Variants in DIAPH2 observed in about 807,000 individuals in gnomAD.
DIAPH2 encodes diaphanous related formin 2.
DIAPH2 carries 35 observed loss-of-function variants against 92.7 expected under a neutral mutation model. The observed-to-expected ratio is 0.38, with a 90% CI of 0.29 to 0.50. The LOEUF (loss-of-function observed/expected upper bound fraction) is 0.50, where lower values mean the gene tolerates loss of function less well. Among genes scored for constraint, DIAPH2 ranks in the 20% least tolerant of loss-of-function variants. The pLI is 0.94. For missense variants in DIAPH2, 701 were observed against 819.5 expected (o/e 0.86, Z 1.77); for synonymous variants, 301 against 280.4 (o/e 1.07, Z -0.73).
At chrX:97,409,709 A>G (rs757369274) in intron 25 of DIAPH2, among the ~76,000 whole-genome samples, 1 of 112,200 alleles carries the variant, frequency 8.9e-6, no homozygotes, top group Admixed American at 9.4e-5. Flanking sequence ...ATGGCACACC[A>G]GGAGATTATA....
At chrX:97,340,930 C>T (rs944653282) in intron 23 of DIAPH2, 1 of 109,139 alleles carries the variant, frequency 9.2e-6, no homozygotes, top group Non-Finnish European at 1.9e-5. Context: ...TGGGATTTCA[C>T]GCGTGAGCCA....
chrX:97,508,792 A>G (rs953442634), intron 26 of DIAPH2, among the ~76,000 whole-genome samples: 4 of 111,656 alleles, frequency 3.6e-5, no homozygotes, highest in Non-Finnish European at 7.5e-5. Context: ...ATGAAAAAGC[A>G]ACATTTGTTA....
intron 5 of DIAPH2, among the ~76,000 whole-genome samples, chrX:96,887,979 G>C (rs2065275236): frequency 9.0e-6 from 1 of 110,607 alleles, no homozygotes; most frequent in African/African-American, 3.3e-5. Context: ...ATGTGTGTGT[G>C]TGTATGTGTG....
chrX:97,204,203 C>T (rs1360140400), intron 22 of DIAPH2, among the ~76,000 whole-genome samples: 1 of 111,760 alleles, frequency 8.9e-6, no homozygotes, highest in African/African-American at 3.3e-5. Flanking sequence ...ATGACAAACC[C>T]ATAGCCAATA....
At chrX:96,955,401 A>G (rs2065804356) in intron 15 of DIAPH2, among the ~76,000 whole-genome samples, 1 of 111,903 alleles carries the variant, frequency 8.9e-6, no homozygotes, top group Admixed American at 9.5e-5. Flanking sequence ...ATGGCGATGC[A>G]GAGCTAAACC....
intron 22 of DIAPH2, among the ~76,000 whole-genome samples, chrX:97,211,952 A>G (rs1483102193): frequency 8.9e-6 from 1 of 111,766 alleles, no homozygotes; most frequent in Non-Finnish European, 1.9e-5. Flanking sequence ...AGAAACGACT[A>G]AGAAAATCAC....
Position 96,735,742 on chromosome X carries a change from T to A in DIAPH2, c.133-16T>A. On this transcript the variant is annotated splice_polypyrimidine_tract_variant and intron_variant, in intron 1 of 26. Coordinates refer to ENST00000324765, the MANE Select transcript of DIAPH2 (RefSeq NM_006729.5). ...CTGATGGGTTTTTTTTGTTTGTTTCTTTTTGGTTTTAATAGAACATTCAAA... is the reference window on the plus strand; with the variant it reads ...CTGATGGGTTTTTTTTGTTTGTTTCATTTTGGTTTTAATAGAACATTCAAA... 2 of 1,038,291 alleles carry A rather than the reference T, an allele frequency of 1.9e-6. No individual in the cohort carries two copies. Among genetic ancestry groups the A allele is most frequent in the East Asian group, 6.3e-5 (2 of 31,758 alleles). The allele number at this position is 1,038,291 out of a possible 1,213,427, so 85.6% of individuals were successfully genotyped here. A position where few individuals can be genotyped will look rare whatever the true frequency, so the allele number is the denominator to read the frequency against.
chrX:97,104,547 T>C (rs1214721753), intron 20 of DIAPH2, among the ~76,000 whole-genome samples: 1 of 109,853 alleles, frequency 9.1e-6, no homozygotes, highest in Non-Finnish European at 1.9e-5. Flanking sequence ...GGCTAATTTT[T>C]TTAAAAATTT....
At chrX:97,516,697 T>C (rs2070951572) in intron 26 of DIAPH2, among the ~76,000 whole-genome samples, 1 of 111,732 alleles carries the variant, frequency 8.9e-6, no homozygotes, top group African/African-American at 3.3e-5. Flanking sequence ...TATTTCCCCC[T>C]GAATTTCTTA....
At chrX:96,754,024 C>T (rs1212652544) in intron 3 of DIAPH2, among the ~76,000 whole-genome samples, 1 of 112,302 alleles carries the variant, frequency 8.9e-6, no homozygotes, top group Non-Finnish European at 1.9e-5. Flanking sequence ...AAAAGGGAGA[C>T]TGACAAATGT....
At position 97,261,313 on chromosome X, in the gene DIAPH2, C is replaced by T. The variant is rs778739217; in HGVS notation, c.2844+13474C>T. On this transcript the variant is annotated intron_variant, in intron 23 of 26. Transcript: ENST00000324765. ...ATTGTTTTAAATCAATCACACTGCACAGGGGACATTTTGCCTATTTGTTTT... is the reference window on the plus strand; with the variant it reads ...ATTGTTTTAAATCAATCACACTGCATAGGGGACATTTTGCCTATTTGTTTT... Among the ~76,000 whole-genome samples the T allele has an allele frequency of 2.7e-5, 3 of 111,935 alleles. No homozygotes were observed. In the East Asian group the frequency reaches 8.5e-4, roughly 32 times the overall value.
intron 3 of DIAPH2, among the ~76,000 whole-genome samples, chrX:96,751,652 G>GTTTTTTTTTTTTTTTTGTTTTTT (rs2064190698): frequency 1.7e-5 from 1 of 60,312 alleles, no homozygotes; most frequent in Non-Finnish European, 3.1e-5. Context: ...TCAGTGTTTT[G>GTTTTTTTTTTTTTTTTGTTTTTT]TTTTTTTTTT....
At chrX:97,307,254 G>A (rs1333134189) in intron 23 of DIAPH2, among the ~76,000 whole-genome samples, 5 of 111,868 alleles carry the variant, frequency 4.5e-5, no homozygotes, top group Non-Finnish European at 7.5e-5. Flanking sequence ...ACTCTGTATG[G>A]GAAAAAATGA....
At position 97,133,310 on chromosome X, in the gene DIAPH2, G is replaced by A. The variant is rs192893198; in HGVS notation, c.2590-8355G>A. 4.0e-3 allele frequency among the ~76,000 whole-genome samples: 441 copies of A among 109,996 alleles called. 4 individuals are homozygous for A. The highest frequency in any genetic ancestry group is 6.1e-3 in the Non-Finnish European group (319 of 52,692). ...TTTTTCTTTTTTTTTTCTTTGAGAC[G>A]GAGTTTCGCTCTTGTTGCCCAGGCT... On this transcript the variant is annotated intron_variant, in intron 21 of 26. Transcript: ENST00000324765.
intron 17 of DIAPH2, among the ~76,000 whole-genome samples, chrX:97,013,907 G>A (rs1232500338): frequency 8.9e-6 from 1 of 112,017 alleles, no homozygotes; most frequent in African/African-American, 3.2e-5. Context: ...TACAAGGGAA[G>A]GAAGGCGGAA....
chrX:96,845,175 G>A (rs764625455), intron 4 of DIAPH2, among the ~76,000 whole-genome samples: 2 of 111,517 alleles, frequency 1.8e-5, no homozygotes, highest in South Asian at 3.8e-4. Context: ...TTTTAAGGTT[G>A]CACTGCAATT....
intron 17 of DIAPH2, among the ~76,000 whole-genome samples, chrX:97,027,238 A>G (rs1253692610): frequency 8.9e-6 from 1 of 112,454 alleles, no homozygotes; most frequent in Non-Finnish European, 1.9e-5. Context: ...TAAATTATCA[A>G]TCATATCACT....
intron 22 of DIAPH2, among the ~76,000 whole-genome samples, chrX:97,153,441 C>T (rs773192761): frequency 5.5e-4 from 61 of 109,984 alleles, no homozygotes; most frequent in African/African-American, 1.9e-3. Flanking sequence ...AAAAATTAGC[C>T]GGGCGAGGTG....
intron 26 of DIAPH2, among the ~76,000 whole-genome samples, chrX:97,507,326 A>G (rs1280312397): frequency 1.8e-5 from 2 of 110,673 alleles, no homozygotes; most frequent in East Asian, 2.8e-4. Flanking sequence ...AATATTATAT[A>G]ATATTGGCAA....
Sources: gnomAD v4.1 joint callset for allele counts (sites outside exome capture counted in the v4.1 genomes callset) on GRCh38, gnomAD v4.1.1 for gene constraint, MANE v1.5 for transcripts, NCBI Gene and HGNC (gene_info 2026-07-23, HGNC 2026-07-21) for gene names.